APBB2: variants seen among roughly 807,000 people sequenced by gnomAD.
APBB2 encodes Fe65-like 1.
APBB2 carries 38 observed loss-of-function variants against 82.5 expected under a neutral mutation model. The observed-to-expected ratio is 0.46, with a 90% CI of 0.36 to 0.60. The LOEUF is 0.60. APBB2 is among the 20% of genes least tolerant of loss of function. The probability of loss-of-function intolerance (pLI) is 0.00; values close to 1 mark genes in which losing one functional copy is unlikely to be tolerated. For missense variants in APBB2, 772 were observed against 972.3 expected, an observed-to-expected ratio of 0.79 and a Z score of 2.74; for synonymous variants, 341 against 368.2, an observed-to-expected ratio of 0.93 and a Z score of 0.85.
At chr4:40,853,597 G>A (rs886303160) in intron 12 of APBB2, among the ~76,000 whole-genome samples, 3 of 151,862 alleles carry the variant, frequency 2.0e-5, no homozygotes, top group Admixed American at 6.6e-5. Flanking sequence ...TTACAGGCAC[G>A]CACCACCATG....
intron 10 of APBB2, among the ~76,000 whole-genome samples, chr4:40,894,392 G>A (rs1773067014): frequency 1.4e-5 from 2 of 146,830 alleles, no homozygotes; most frequent in South Asian, 4.2e-4. Context: ...TTTTTAAATA[G>A]TGAGAAATGC....
chr4:41,081,829 A>G (rs542416450), intron 3 of APBB2, among the ~76,000 whole-genome samples: 9 of 152,376 alleles, frequency 5.9e-5, no homozygotes, highest in East Asian at 5.8e-4. Context: ...TGATCATAGA[A>G]TATCAACTGA....
At chr4:40,870,451 T>TC (rs1427784854) in intron 12 of APBB2, among the ~76,000 whole-genome samples, 2 of 152,190 alleles carry the variant, frequency 1.3e-5, no homozygotes, top group African/African-American at 2.4e-5. Flanking sequence ...TGTAACTGGC[T>TC]CAGGGTCAGC....
chr4:40,908,790 T>TG (rs935424578), intron 10 of APBB2, among the ~76,000 whole-genome samples: 2 of 152,066 alleles, frequency 1.3e-5, no homozygotes, highest in African/African-American at 4.8e-5. Context: ...GAGCCGACAA[T>TG]GGGGGAGCCC....
At chr4:41,028,562 G>A (rs1206791873) in intron 5 of APBB2, among the ~76,000 whole-genome samples, 3 of 152,200 alleles carry the variant, frequency 2.0e-5, no homozygotes, top group Admixed American at 6.5e-5. Flanking sequence ...GAGAAAATGT[G>A]CAAGCCCTAA....
intron 3 of APBB2, among the ~76,000 whole-genome samples, chr4:41,067,052 T>C (rs1248801196): frequency 1.3e-5 from 2 of 152,166 alleles, no homozygotes; most frequent in African/African-American, 2.4e-5. Flanking sequence ...CATGGGTGGA[T>C]GGTAGTGACA....
Position 40,824,742 on chromosome 4 carries a change from T to G in APBB2, c.1817-983A>C, listed in dbSNP as rs141896265. 3.3e-5 allele frequency among the ~76,000 whole-genome samples: 5 copies of G among 152,240 alleles called. No individual in the cohort carries two copies. In the East Asian group the frequency reaches 9.7e-4, roughly 29 times the overall value. ...CTGGGCTCAAGCAATCCACCTGCCT[T>G]GGCTTCCCAAAGTGCTGAGATTACA... On this transcript the variant is annotated intron_variant, in intron 15 of 17. Coordinates refer to ENST00000508593, the MANE Select transcript of APBB2 (RefSeq NM_004307.2).
chr4:41,017,878 T>A (rs1184340382), intron 5 of APBB2, among the ~76,000 whole-genome samples: 1 of 152,266 alleles, frequency 6.6e-6, no homozygotes, highest in African/African-American at 2.4e-5. Flanking sequence ...GATAGAGGTT[T>A]GTGTTTGTCT....
intron 1 of APBB2, among the ~76,000 whole-genome samples, chr4:41,213,291 T>C (rs894330601): frequency 6.6e-6 from 1 of 152,086 alleles, no homozygotes; most frequent in African/African-American, 2.4e-5. Context: ...CGTAAGTAAT[T>C]AGACACAATG....
chr4:40,819,559 T>A (rs542889331), intron 17 of APBB2, among the ~76,000 whole-genome samples: 32 of 152,070 alleles, frequency 2.1e-4, no homozygotes, highest in African/African-American at 6.0e-4. Context: ...CCCCTGCCGT[T>A]CCAGGGAGGA....
chr4:41,065,868 GAT>G (rs1731602442), intron 3 of APBB2, among the ~76,000 whole-genome samples, 195 bp from the exon 4 acceptor site: 1 of 151,942 alleles, frequency 6.6e-6, no homozygotes, highest in Non-Finnish European at 1.5e-5. Flanking sequence ...GCTTGCTGAT[GAT>G]TAGCATGCAG....
Position 41,013,616 on chromosome 4 carries a change from C to T in APBB2, c.802G>A (p.Asp268Asn). Reference protein sequence around the residue: ...EESSWTTLSQDSASPSSPDET... With the variant: ...EESSWTTLSQNSASPSSPDET... Reference sequence around the variant, plus strand: ...TCCGGGGAGCTGGGTGAGGCACTGTCTTGGGACAACGTTGTCCAGCTGGAC... The same window carrying T: ...TCCGGGGAGCTGGGTGAGGCACTGTTTTGGGACAACGTTGTCCAGCTGGAC... The change falls in exon 6 of 18, where the codon GAC (aspartate) becomes AAC (asparagine). Residue 268 changes from aspartate to asparagine, a missense_variant. Physicochemically the swap from Asp to Asn is conservative, Grantham distance 23. Transcript: ENST00000508593. 1 of 1,614,198 alleles carries T rather than the reference C, an allele frequency of 6.2e-7. No homozygotes were observed. The highest frequency in any genetic ancestry group is 8.5e-7 in the Non-Finnish European group (1 of 1,180,040).
chr4:41,002,542 T>C (rs904427069), intron 6 of APBB2, among the ~76,000 whole-genome samples: 17 of 152,198 alleles, frequency 1.1e-4, no homozygotes, highest in Non-Finnish European at 2.4e-4. Context: ...GCTAAGTCCA[T>C]TGATAGTGGG....
At chr4:40,894,010 C>T (rs1047587471) in intron 10 of APBB2, among the ~76,000 whole-genome samples, 3 of 148,544 alleles carry the variant, frequency 2.0e-5, no homozygotes, top group East Asian at 2.0e-4. Context: ...TTATGAGGGC[C>T]GGGCGCGGTG....
chr4:40,983,876 T>C (rs534253852), intron 6 of APBB2, among the ~76,000 whole-genome samples: 34 of 152,248 alleles, frequency 2.2e-4, no homozygotes, highest in African/African-American at 6.5e-4. Context: ...TGTGCCTAAC[T>C]TTTTTTAAAC....
At chr4:40,917,015 C>T (rs1780018311) in intron 10 of APBB2, among the ~76,000 whole-genome samples, 1 of 152,156 alleles carries the variant, frequency 6.6e-6, no homozygotes, top group Non-Finnish European at 1.5e-5. Flanking sequence ...CAGGCTTCCT[C>T]AAGTGGCCAG....
chr4:41,032,783 T>A (rs1033117672), intron 5 of APBB2, among the ~76,000 whole-genome samples: 1 of 74,872 alleles, frequency 1.3e-5, no homozygotes, highest in Non-Finnish European at 2.9e-5. Context: ...TCTTTCTTTT[T>A]TTTTTTTTTT....
At chr4:41,054,341 C>T (rs1727091699) in intron 4 of APBB2, among the ~76,000 whole-genome samples, 1 of 152,162 alleles carries the variant, frequency 6.6e-6, no homozygotes, top group South Asian at 2.1e-4. Flanking sequence ...GGTCACAGGG[C>T]CACACTTGCT....
At chr4:40,931,944 G>A (rs1171113897) in intron 10 of APBB2, among the ~76,000 whole-genome samples, 1 of 152,112 alleles carries the variant, frequency 6.6e-6, no homozygotes, top group Non-Finnish European at 1.5e-5. Context: ...AGACAAAGCT[G>A]AGCTTCCTTA....
Sources: gnomAD v4.1 joint callset for allele counts (sites outside exome capture counted in the v4.1 genomes callset) on GRCh38, gnomAD v4.1.1 for gene constraint, MANE v1.5 for transcripts, NCBI Gene and HGNC (gene_info 2026-07-23, HGNC 2026-07-21) for gene names.